Variants in PRR16 observed in about 807,000 individuals in gnomAD.
The protein encoded by PRR16 is protein Largen.
A neutral mutation model predicts 18.2 loss-of-function variants in PRR16; 6 were observed. The ratio of observed to expected loss-of-function variants is 0.33; its 90% CI spans 0.18 to 0.65. The LOEUF is 0.65. Among genes scored for constraint, PRR16 ranks in the 30% least tolerant of loss-of-function variants. The pLI is 0.74. For missense variants in PRR16, 412 were observed against 376.6 expected (o/e 1.09, Z -0.78); for synonymous variants, 151 against 147.8 (o/e 1.02, Z -0.16).
chr5:120,784,590 A>C, the PRR16 span, among the ~76,000 whole-genome samples: 13 of 152,306 alleles, frequency 8.5e-5, no homozygotes, highest in African/African-American at 2.9e-4. Context: ...AGAAACTCAA[A>C]AAACTCAATA....
the PRR16 span, among the ~76,000 whole-genome samples, chr5:120,787,317 T>G: frequency 1.3e-5 from 2 of 152,290 alleles, no homozygotes; most frequent in South Asian, 4.1e-4. Context: ...GAGGCTTTGT[T>G]TAGTGGGTCT....
At chr5:120,743,669 T>C in the PRR16 span, among the ~76,000 whole-genome samples, 1 of 152,154 alleles carries the variant, frequency 6.6e-6, no homozygotes, top group Non-Finnish European at 1.5e-5. Flanking sequence ...TCTTTCATGG[T>C]TACTTTTACT....
chr5:120,482,162 G>T (rs1749640158), intron 1 of PRR16, among the ~76,000 whole-genome samples: 1 of 152,072 alleles, frequency 6.6e-6, no homozygotes, highest in Admixed American at 6.5e-5. Flanking sequence ...CATTCAGGGG[G>T]TACATGTGCA....
At chr5:120,782,298 C>A in the PRR16 span, among the ~76,000 whole-genome samples, 1 of 152,116 alleles carries the variant, frequency 6.6e-6, no homozygotes, top group Admixed American at 6.5e-5. Context: ...CAGAAGTACC[C>A]CCCTCCAAAA....
At chr5:120,563,906 C>A (rs971129115) in intron 1 of PRR16, among the ~76,000 whole-genome samples, 2 of 152,162 alleles carry the variant, frequency 1.3e-5, no homozygotes, top group African/African-American at 4.8e-5. Context: ...AAGCACATGG[C>A]ATACTAAACG....
At chr5:120,678,289 C>G (rs1232193782) in intron 1 of PRR16, among the ~76,000 whole-genome samples, 3 of 152,108 alleles carry the variant, frequency 2.0e-5, no homozygotes, top group African/African-American at 7.2e-5. Context: ...TTTTCTCTGT[C>G]TAATCCATTT....
intron 1 of PRR16, among the ~76,000 whole-genome samples, chr5:120,556,806 T>C (rs1029500709): frequency 1.3e-5 from 2 of 151,960 alleles, no homozygotes; most frequent in African/African-American, 4.8e-5. Flanking sequence ...CCAGCTCTCT[T>C]CAGGGCTGAA....
the PRR16 span, among the ~76,000 whole-genome samples, chr5:120,727,682 T>C: frequency 6.6e-6 from 1 of 152,266 alleles, no homozygotes; most frequent in East Asian, 1.9e-4. Flanking sequence ...TATTGTTGCC[T>C]GTGTAATGTA....
chr5:120,499,904 G>T (rs571511449), intron 1 of PRR16, among the ~76,000 whole-genome samples: 1 of 152,064 alleles, frequency 6.6e-6, no homozygotes, highest in East Asian at 1.9e-4. Flanking sequence ...TCCCAGGAAC[G>T]TATAGAAGCT....
At chr5:120,703,248 A>G in the PRR16 span, among the ~76,000 whole-genome samples, 1 of 152,112 alleles carries the variant, frequency 6.6e-6, no homozygotes, top group South Asian at 2.1e-4. Context: ...ACTTAAGGCA[A>G]GGACTAGCCA....
intron 1 of PRR16, among the ~76,000 whole-genome samples, chr5:120,677,517 C>CT (rs1756836840): frequency 6.6e-6 from 1 of 152,164 alleles, no homozygotes; most frequent in Non-Finnish European, 1.5e-5. Context: ...ATTAATTTCT[C>CT]TTTTCAGTTC....
intron 1 of PRR16, among the ~76,000 whole-genome samples, chr5:120,603,174 T>C (rs777937984): frequency 3.3e-5 from 5 of 152,124 alleles, no homozygotes; most frequent in Non-Finnish European, 5.9e-5. Flanking sequence ...TAGAATTTTC[T>C]GTGAATTTGT....
In PRR16 at chr5:120,675,127, A is replaced by G. The variant is rs566791403; in HGVS notation, c.160-10827A>G. 1.2e-4 allele frequency among the ~76,000 whole-genome samples: 19 copies of G among 152,296 alleles called. 1 individual carries two copies. In the South Asian group the frequency reaches 3.9e-3, roughly 32 times the overall value. On this transcript the variant is annotated intron_variant, in intron 1 of 1. Coordinates refer to ENST00000407149, the MANE Select transcript of PRR16 (RefSeq NM_001300783.2). ...TTGCTTATTTCAAAAATCTCACGAT[A>G]CTTAGTCATATGTTCTTATAATATA...
intron 1 of PRR16, among the ~76,000 whole-genome samples, chr5:120,634,784 G>A (rs1755172795): frequency 6.6e-6 from 1 of 152,020 alleles, no homozygotes; most frequent in South Asian, 2.1e-4. Flanking sequence ...AAATGAAATT[G>A]AAGCAACAGC....
intron 1 of PRR16, among the ~76,000 whole-genome samples, chr5:120,640,316 C>A (rs1755380032): frequency 6.6e-6 from 1 of 151,724 alleles, no homozygotes; most frequent in African/African-American, 2.4e-5. Context: ...AAAAAAAATT[C>A]TCATGGTCAT....
the PRR16 span, among the ~76,000 whole-genome samples, chr5:120,768,452 A>C: frequency 6.6e-6 from 1 of 151,538 alleles, no homozygotes; most frequent in Non-Finnish European, 1.5e-5. Flanking sequence ...TTATTTGGTA[A>C]AAAAATATAT....
the PRR16 span, among the ~76,000 whole-genome samples, chr5:120,776,674 C>G: frequency 6.6e-6 from 1 of 152,004 alleles, no homozygotes. Context: ...TATTTCAAAA[C>G]AGAGAGATAA....
At chr5:120,518,896 A>G (rs928037849) in intron 1 of PRR16, among the ~76,000 whole-genome samples, 1 of 152,176 alleles carries the variant, frequency 6.6e-6, no homozygotes, top group African/African-American at 2.4e-5. Context: ...TGAGATGGAA[A>G]TCACCTTTTA....
chr5:120,512,706 A>G (rs1750866696), intron 1 of PRR16, among the ~76,000 whole-genome samples: 1 of 152,132 alleles, frequency 6.6e-6, no homozygotes, highest in South Asian at 2.1e-4. Context: ...CTGTGTAACA[A>G]TGAAGCCATT....
Sources: gnomAD v4.1 joint callset for allele counts (sites outside exome capture counted in the v4.1 genomes callset) on GRCh38, gnomAD v4.1.1 for gene constraint, MANE v1.5 for transcripts, NCBI Gene and HGNC (gene_info 2026-07-23, HGNC 2026-07-21) for gene names.